DCAF6: variants seen among roughly 807,000 people sequenced by gnomAD.
The protein encoded by DCAF6 is DDB1- and CUL4-associated factor 6.
Under a neutral mutation model 125.1 loss-of-function variants are expected in DCAF6, and 54 were observed. The ratio of observed to expected loss-of-function variants is 0.43; its 90% CI spans 0.35 to 0.54. The LOEUF (loss-of-function observed/expected upper bound fraction) is 0.54. Ranked by LOEUF, DCAF6 falls within the 20% of genes least tolerant of loss-of-function variation. The pLI is 0.01. For synonymous variants in DCAF6, 371 were observed against 390.4 expected, an observed-to-expected ratio of 0.95 and a Z score of 0.58; for missense variants, 934 against 1,161.7, an observed-to-expected ratio of 0.80 and a Z score of 2.85.
At chr1:168,066,703 T>C (rs1692385516) in intron 20 of DCAF6, among the ~76,000 whole-genome samples, 1 of 152,118 alleles carries the variant, frequency 6.6e-6, no homozygotes, top group South Asian at 2.1e-4. Flanking sequence ...AGATTAGGTG[T>C]ATAGTAGTTT....
At chr1:168,020,976 A>C (rs1312625441) in intron 11 of DCAF6, among the ~76,000 whole-genome samples, 1 of 152,172 alleles carries the variant, frequency 6.6e-6, no homozygotes, top group Non-Finnish European at 1.5e-5. Context: ...TCAGAAATAC[A>C]CAATGTCTAT....
the DCAF6 span, among the ~76,000 whole-genome samples, chr1:167,884,475 C>T: frequency 6.6e-6 from 1 of 152,172 alleles, no homozygotes; most frequent in Non-Finnish European, 1.5e-5. Context: ...TATAATTCAA[C>T]ATGAGATTTG....
chr1:168,023,770 A>G (rs1685962883), intron 12 of DCAF6: 1 of 152,254 alleles, frequency 6.6e-6, no homozygotes. Context: ...AAGACTAAAA[A>G]CTAAAAAGGC....
At chr1:168,011,180 G>A (rs1684234679) in intron 10 of DCAF6, among the ~76,000 whole-genome samples, 2 of 146,152 alleles carry the variant, frequency 1.4e-5, no homozygotes, top group South Asian at 2.2e-4. Context: ...GCAGTGGCGC[G>A]ACCTCGGCTC....
chr1:167,919,076 A>G, the DCAF6 span, among the ~76,000 whole-genome samples: 1 of 152,246 alleles, frequency 6.6e-6, no homozygotes, highest in Non-Finnish European at 1.5e-5. Context: ...ACCTTTCCTA[A>G]GAATAAGATC....
the DCAF6 span, chr1:167,878,419 A>G: frequency 3.5e-5 from 56 of 1,608,708 alleles, no homozygotes; most frequent in East Asian, 1.1e-3. Flanking sequence ...ACTAAAATAT[A>G]CTTCAAAATT....
intron 11 of DCAF6, among the ~76,000 whole-genome samples, chr1:168,021,770 A>T (rs1284747357): frequency 6.6e-6 from 1 of 152,202 alleles, no homozygotes; most frequent in Non-Finnish European, 1.5e-5. Context: ...TAAATGTACA[A>T]ATGCAAGCAA....
At position 167,937,022 on chromosome 1, in the gene DCAF6, C is replaced by A. The variant is rs1235744511; in HGVS notation, c.97+14C>A. 6.2e-7 allele frequency: 1 copy of A among 1,601,540 alleles called. No homozygotes were observed. Among genetic ancestry groups the A allele is most frequent in the African/African-American group, 1.3e-5 (1 of 74,916 alleles). On this transcript the variant is annotated intron_variant, in intron 1 of 21. Coordinates refer to ENST00000367840, the MANE Select transcript of DCAF6 (RefSeq NM_001198956.2). ...GTCGCTACCTGGGTGAGCGGGGGCC[C>A]CGGGGCGGAGGCGCTGAGGTCGCCG...
At chr1:168,023,072 T>TAG in intron 12 of DCAF6, 25 bp downstream of exon 12, 1 of 1,611,716 alleles carries the variant, frequency 6.2e-7, no homozygotes, top group Non-Finnish European at 8.5e-7. Flanking sequence ...AGATGCGCTA[T>TAG]GCCCATCCAT....
chr1:168,050,790 A>C, intron 16 of DCAF6, 102 bp from the exon 17 acceptor site: 1 of 622,874 alleles, frequency 1.6e-6, no homozygotes, highest in South Asian at 7.2e-5. Flanking sequence ...TTTTTTTTTA[A>C]ATTGAGATGA....
At chr1:167,985,686 C>T (rs1368689719) in intron 4 of DCAF6, among the ~76,000 whole-genome samples, 1 of 152,184 alleles carries the variant, frequency 6.6e-6, no homozygotes, top group Non-Finnish European at 1.5e-5. Context: ...CTTTGGGCTA[C>T]TATTATTCTG....
At chr1:167,916,861 T>A in the DCAF6 span, 1 of 152,260 alleles carries the variant, frequency 6.6e-6, no homozygotes, top group South Asian at 2.1e-4. Flanking sequence ...GTGTGGTTTA[T>A]GAAATGAAAG....
In DCAF6 at chr1:167,937,197, C is replaced by A. The variant is rs200282567; in HGVS notation, c.97+189C>A. On this transcript the variant is annotated intron_variant, in intron 1 of 21. Transcript: ENST00000367840. The stretch of plus-strand genomic sequence containing the variant: ...CCCCCAGTCAAGCCCCCTGTGCATG[C>A]TGCCAGCCGCCGCCCTTGCTGGGTT... 3.4e-4 allele frequency: 204 copies of A among 603,696 alleles called. 1 individual carries two copies. The highest frequency in any genetic ancestry group is 4.4e-4 in the Non-Finnish European group (148 of 332,614). 37.4% of individuals were successfully genotyped at this position (603,696 alleles called of 1,614,324 possible). A position where few individuals can be genotyped will look rare whatever the true frequency, so the allele number is the denominator to read the frequency against.
intron 5 of DCAF6, among the ~76,000 whole-genome samples, chr1:167,988,247 A>G (rs1010313011): frequency 6.6e-6 from 1 of 152,108 alleles, no homozygotes; most frequent in East Asian, 1.9e-4. Context: ...TGCAGCCTCA[A>G]TCTTCTGGGC....
chr1:167,996,432 G>A (rs73026149), intron 7 of DCAF6, among the ~76,000 whole-genome samples: 16,459 of 152,012 alleles, frequency 0.11, 1,006 homozygotes, highest in African/African-American at 0.16. Flanking sequence ...CACCCTTGCT[G>A]CATTACCACC....
At chr1:168,062,599 T>G (rs546108961) in intron 17 of DCAF6, among the ~76,000 whole-genome samples, 47 of 152,218 alleles carry the variant, frequency 3.1e-4, no homozygotes, top group Non-Finnish European at 1.5e-5. Flanking sequence ...TGTTAACTGT[T>G]ATGAGATCTG....
intron 10 of DCAF6, among the ~76,000 whole-genome samples, chr1:168,011,901 A>T (rs548572835): frequency 1.3e-5 from 2 of 152,280 alleles, no homozygotes; most frequent in East Asian, 3.9e-4. Flanking sequence ...TGAACCCAGT[A>T]GGCAGAGGTT....
At chr1:168,031,645 A>C (rs980247060) in intron 12 of DCAF6, among the ~76,000 whole-genome samples, 1 of 152,202 alleles carries the variant, frequency 6.6e-6, no homozygotes, top group Non-Finnish European at 1.5e-5. Flanking sequence ...GTCACATTTT[A>C]ACTTGTTAAT....
intron 10 of DCAF6, among the ~76,000 whole-genome samples, chr1:168,006,877 C>T (rs1464054418): frequency 6.6e-6 from 1 of 152,108 alleles, no homozygotes; most frequent in Non-Finnish European, 1.5e-5. Context: ...TGCTACGCTC[C>T]ATCTCTGGTT....
Sources: gnomAD v4.1 joint callset for allele counts (sites outside exome capture counted in the v4.1 genomes callset) on GRCh38, gnomAD v4.1.1 for gene constraint, MANE v1.5 for transcripts, NCBI Gene and HGNC (gene_info 2026-07-23, HGNC 2026-07-21) for gene names.